The following TGFB2 variants were observed in gnomAD, a reference collection of about 807,000 sequenced individuals.
The protein encoded by TGFB2 is transforming growth factor beta 2.
Under a neutral mutation model 42.7 loss-of-function variants are expected in TGFB2, and 13 were observed. The observed-to-expected ratio is 0.30, with a 90% confidence interval of 0.20 to 0.48. The LOEUF is 0.48. Among genes scored for constraint, TGFB2 ranks in the 20% least tolerant of loss-of-function variants. The probability of loss-of-function intolerance (pLI) is 0.99; values close to 1 mark genes in which losing one functional copy is unlikely to be tolerated. For missense variants in TGFB2, 390 were observed against 517.5 expected, an observed-to-expected ratio of 0.75 and a Z score of 2.39; for synonymous variants, 193 against 193.6, an observed-to-expected ratio of 1.00 and a Z score of 0.03.
chr1:218,421,158 T>C (rs1475041086), intron 2 of TGFB2, among the ~76,000 whole-genome samples: 1 of 152,196 alleles, frequency 6.6e-6, no homozygotes, highest in Non-Finnish European at 1.5e-5. Flanking sequence ...AAAGCCACTG[T>C]ACCCAGTTCT....
chr1:218,434,822 A>G (rs1354860076), intron 4 of TGFB2, among the ~76,000 whole-genome samples: 1 of 152,194 alleles, frequency 6.6e-6, no homozygotes, highest in Admixed American at 6.5e-5. Context: ...CCCAAACCAA[A>G]TGTCAGGAAC....
intron 1 of TGFB2, among the ~76,000 whole-genome samples, chr1:218,396,199 C>T (rs1275987518): frequency 1.3e-5 from 2 of 152,132 alleles, no homozygotes; most frequent in South Asian, 4.1e-4. Flanking sequence ...AAAGAATTGC[C>T]TACTATTCAC....
rs1660174077 is a variant in TGFB2, at chr1:218,442,149, A to G, written c.*787A>G. ...AACTTTCAGTCAGAATAAGTCTGTA[A>G]GTTTTTTTTTTTCTTTTTAATTGTA... On this transcript the variant is annotated 3_prime_UTR_variant, in exon 7 of 7. Transcript: ENST00000366930. The G allele has an allele frequency of 6.6e-6, 1 of 151,312 alleles. No individual in the cohort carries two copies. The highest frequency in any genetic ancestry group is 1.5e-5 in the Non-Finnish European group (1 of 67,950). 9.4% of individuals were successfully genotyped at this position (151,312 alleles called of 1,614,324 possible).
At chr1:218,402,032 C>G (rs1038532303) in intron 1 of TGFB2, among the ~76,000 whole-genome samples, 11 of 152,198 alleles carry the variant, frequency 7.2e-5, no homozygotes, top group Non-Finnish European at 1.3e-4. Context: ...CAGCACAGGA[C>G]AGCTGGCATC....
intron 1 of TGFB2, among the ~76,000 whole-genome samples, chr1:218,370,056 G>A (rs1657521717): frequency 6.6e-6 from 1 of 152,196 alleles, no homozygotes; most frequent in South Asian, 2.1e-4. Flanking sequence ...TAAGAAAACT[G>A]CATAGATCCT....
chr1:218,346,676 A>G lies in TGFB2; in HGVS notation c.-26A>G. On this transcript the variant is annotated 5_prime_UTR_variant, in exon 1 of 7. Transcript: ENST00000366930. This position sits in a 1 kb window ranked among gnomAD's most constrained non-coding sequence, Gnocchi z 4.9. ...TTTTTTTATTCTGACTTTTAAAAAC[A>G]ACTTTTTTTTCCACTTTTTTAAAAA... 1 of 1,561,110 alleles carries G rather than the reference A, an allele frequency of 6.4e-7. No homozygotes were observed. Among genetic ancestry groups the G allele is most frequent in the Non-Finnish European group, 8.7e-7 (1 of 1,154,262 alleles).
chr1:218,428,226 G>C (rs1304997529), intron 2 of TGFB2, among the ~76,000 whole-genome samples: 1 of 152,126 alleles, frequency 6.6e-6, no homozygotes, highest in Non-Finnish European at 1.5e-5. Context: ...TGTAGATTCT[G>C]GATATTAGCC....
chr1:218,426,677 A>G (rs1404339108), intron 2 of TGFB2, among the ~76,000 whole-genome samples: 2 of 152,228 alleles, frequency 1.3e-5, no homozygotes, highest in African/African-American at 2.4e-5. Flanking sequence ...TTCTAATTCA[A>G]TCAGAAACAG....
At chr1:218,424,801 A>G (rs1490756390) in intron 2 of TGFB2, among the ~76,000 whole-genome samples, 1 of 152,254 alleles carries the variant, frequency 6.6e-6, no homozygotes, top group Non-Finnish European at 1.5e-5. Context: ...GGCTGCTGCC[A>G]AAAGTAAATA....
In TGFB2 at chr1:218,362,844, T is replaced by C. The variant is rs549749219; in HGVS notation, c.346+15797T>C. Among the ~76,000 whole-genome samples, 3 of 152,330 alleles carry C rather than the reference T, an allele frequency of 2.0e-5. No individual in the cohort carries two copies. In the South Asian group the frequency reaches 6.2e-4, roughly 32 times the overall value. On this transcript the variant is annotated intron_variant, in intron 1 of 6. Coordinates refer to ENST00000366930, the MANE Select transcript of TGFB2 (RefSeq NM_003238.6). ...GTAGCCCCAAACCAATATTCACTTG[T>C]ATTTTTGACTCATTCAAGAAGGAGT...
rs34950123 is a variant in TGFB2 at position 218,428,972 on chromosome 1, CTTT to C, written c.511-5088_511-5086del. Among the ~76,000 whole-genome samples, 408 of 95,822 alleles carry C rather than the reference CTTT, an allele frequency of 4.3e-3. 1 individual carries two copies. Among genetic ancestry groups the C allele is most frequent in the African/African-American group, 0.015 (389 of 25,628 alleles). The allele number at this position is 95,822 out of a possible 152,430, so 62.9% of individuals were successfully genotyped here. A position where few individuals can be genotyped will look rare whatever the true frequency, so the allele number is the denominator to read the frequency against. ...ATTGATTCTCCCTATCCATGAGCATCTTTTTTTTTTTTTTTTTTTTTTTTCTGA... is the reference window on the plus strand; with the variant it reads ...ATTGATTCTCCCTATCCATGAGCATCTTTTTTTTTTTTTTTTTTTTTCTGA... On this transcript the variant is annotated intron_variant, in intron 2 of 6. Transcript: ENST00000366930.
chr1:218,363,221 G>A (rs1657275889), intron 1 of TGFB2: 2 of 895,380 alleles, frequency 2.2e-6, no homozygotes. Context: ...TATTTCTGGG[G>A]AAATGATAAG....
chr1:218,441,734 T>C lies in TGFB2; in HGVS notation c.*372T>C, dbSNP rs1186948837. The C allele has an allele frequency of 5.5e-6, 1 of 181,998 alleles. No homozygotes were observed. The highest frequency in any genetic ancestry group is 2.4e-5 in the African/African-American group (1 of 41,852). 11.3% of individuals were successfully genotyped at this position (181,998 alleles called of 1,614,324 possible). A position where few individuals can be genotyped will look rare whatever the true frequency, so the allele number is the denominator to read the frequency against. ...GGAAAATCCCATTAAGTGGAGTTGCTGTACGTACCGTTCCTATCCCGCGCC... is the reference window on the plus strand; with the variant it reads ...GGAAAATCCCATTAAGTGGAGTTGCCGTACGTACCGTTCCTATCCCGCGCC... On this transcript the variant is annotated 3_prime_UTR_variant, in exon 7 of 7. Transcript: ENST00000366930.
intron 1 of TGFB2, among the ~76,000 whole-genome samples, chr1:218,394,581 A>G (rs1231994759): frequency 6.6e-6 from 1 of 152,130 alleles, no homozygotes; most frequent in African/African-American, 2.4e-5. Context: ...ATGCCGACAC[A>G]ATTAGACTCA....
intron 2 of TGFB2, among the ~76,000 whole-genome samples, chr1:218,406,850 C>T (rs10482773): frequency 6.6e-6 from 1 of 152,084 alleles, no homozygotes; most frequent in African/African-American, 2.4e-5. Context: ...TAAGAAAAAA[C>T]CCCTTGGGAT....
chr1:218,432,386 A>T (rs1384324883), intron 2 of TGFB2, among the ~76,000 whole-genome samples: 4 of 152,140 alleles, frequency 2.6e-5, no homozygotes, highest in Non-Finnish European at 5.9e-5. Context: ...GAGGTTTTGG[A>T]CCACAGGGGC....
In TGFB2 at chr1:218,441,481, A is replaced by C. The variant is rs1660150548; in HGVS notation, c.*119A>C. 2.6e-6 allele frequency: 3 copies of C among 1,155,146 alleles called. No individual in the cohort carries two copies. Among genetic ancestry groups the C allele is most frequent in the Non-Finnish European group, 3.5e-6 (3 of 854,430 alleles). 71.6% of individuals were successfully genotyped at this position (1,155,146 alleles called of 1,614,324 possible). ...AGAGCCTTGGTTCATCAGTGTTAAA[A>C]AATTTTTGAAAAGGCGGTACTAGTT... On this transcript the variant is annotated 3_prime_UTR_variant, in exon 7 of 7. Transcript: ENST00000366930.
intron 2 of TGFB2, among the ~76,000 whole-genome samples, chr1:218,426,741 A>G (rs1230542378): frequency 6.6e-6 from 1 of 152,214 alleles, no homozygotes. Context: ...TTAGAAAAAC[A>G]TAGGAGAGAG....
chr1:218,386,844 G>T (rs2102573193), intron 1 of TGFB2, among the ~76,000 whole-genome samples: 1 of 152,246 alleles, frequency 6.6e-6, no homozygotes, highest in Non-Finnish European at 1.5e-5. Flanking sequence ...TACTTACTAT[G>T]TTCATATTTA....
Sources: allele counts gnomAD v4.1 joint callset (sites outside exome capture counted in the v4.1 genomes callset), GRCh38; gene constraint gnomAD v4.1.1; non-coding constraint Gnocchi (gnomAD v3.1); transcripts MANE v1.5; gene names NCBI Gene and HGNC (gene_info 2026-07-23, HGNC 2026-07-21).